The following OTUD7A variants were observed in gnomAD, a reference collection of about 807,000 sequenced individuals.
OTUD7A encodes OTU domain-containing protein 7A.
A neutral mutation model predicts 65.7 loss-of-function variants in OTUD7A; 12 were observed. The ratio of observed to expected loss-of-function variants is 0.18; its 90% CI spans 0.12 to 0.30. The LOEUF is 0.30. OTUD7A is among the 10% of genes least tolerant of loss of function. The pLI, the probability that OTUD7A is intolerant of heterozygous loss-of-function variation, is 1.00. For missense variants in OTUD7A, 1,148 were observed against 1,304.8 expected, an observed-to-expected ratio of 0.88 and a Z score of 1.85; for synonymous variants, 641 against 586.3, an observed-to-expected ratio of 1.09 and a Z score of -1.35.
At chr15:31,857,612 C>G (rs1276622915) in intron 1 of OTUD7A, among the ~76,000 whole-genome samples, 1 of 152,122 alleles carries the variant, frequency 6.6e-6, no homozygotes. Flanking sequence ...TGAGCCGGGC[C>G]CCTCGATGTT....
intron 3 of OTUD7A, among the ~76,000 whole-genome samples, chr15:31,590,672 CA>C (rs1403885468): frequency 6.6e-6 from 1 of 152,194 alleles, no homozygotes; most frequent in Non-Finnish European, 1.5e-5. Flanking sequence ...ATCTTATAAA[CA>C]AAGTGAATTC....
At chr15:31,608,328 TA>T (rs1317312599) in intron 3 of OTUD7A, among the ~76,000 whole-genome samples, 1 of 152,010 alleles carries the variant, frequency 6.6e-6, no homozygotes, top group Non-Finnish European at 1.5e-5. Context: ...ATAGATGAAC[TA>T]AAAATAAGAA....
intron 5 of OTUD7A, among the ~76,000 whole-genome samples, chr15:31,544,865 A>G (rs1378450579): frequency 6.6e-6 from 1 of 151,936 alleles, no homozygotes; most frequent in African/African-American, 2.4e-5. Flanking sequence ...TCAAGTGCAC[A>G]TAGAATATTT....
At position 31,577,863 on chromosome 15, in the gene OTUD7A, C is replaced by T. The variant is rs144890467; in HGVS notation, c.152-7666G>A. ...CACAGAAGCAGGTTTTGTTTTCCTT[C>T]CTTGGAATCGGACAAGCTGATTTTA... On this transcript the variant is annotated intron_variant, in intron 3 of 12. Transcript: ENST00000307050. 8.7e-3 allele frequency among the ~76,000 whole-genome samples: 1,307 copies of T among 149,752 alleles called. 19 individuals carry two copies. The highest frequency in any genetic ancestry group is 0.031 in the African/African-American group (1,254 of 40,932).
At chr15:31,550,103 G>GAGA (rs2034729544) in intron 5 of OTUD7A, among the ~76,000 whole-genome samples, 1 of 127,236 alleles carries the variant, frequency 7.9e-6, no homozygotes, top group African/African-American at 3.0e-5. Context: ...CTGTCTCCAG[G>GAGA]AAAAAAAAAA....
intron 1 of OTUD7A, among the ~76,000 whole-genome samples, chr15:31,673,145 G>C (rs1384982672): frequency 6.6e-6 from 1 of 152,198 alleles, no homozygotes; most frequent in Non-Finnish European, 1.5e-5. Context: ...CCATCTTAAA[G>C]CTGAAATAAG....
intron 1 of OTUD7A, among the ~76,000 whole-genome samples, chr15:31,846,129 C>G (rs1279840236): frequency 1.3e-5 from 2 of 152,252 alleles, no homozygotes; most frequent in Non-Finnish European, 2.9e-5. Flanking sequence ...CAGACTCTCT[C>G]TACCTCCTGT....
intron 1 of OTUD7A, among the ~76,000 whole-genome samples, chr15:31,806,209 T>C (rs530470754): frequency 2.0e-5 from 3 of 152,234 alleles, no homozygotes; most frequent in East Asian, 3.8e-4. Context: ...TCAGTTGATA[T>C]CATTTTCTGG....
chr15:31,685,325 G>A (rs530990633), intron 1 of OTUD7A, among the ~76,000 whole-genome samples: 23 of 152,114 alleles, frequency 1.5e-4, no homozygotes, highest in Admixed American at 3.3e-4. Flanking sequence ...TCTTATTTCC[G>A]CATTTGTTTC....
intron 1 of OTUD7A, among the ~76,000 whole-genome samples, chr15:31,667,000 A>G (rs541981480): frequency 6.6e-6 from 1 of 152,196 alleles, no homozygotes; most frequent in African/African-American, 2.4e-5. Context: ...AGAGTGCTTG[A>G]TATACTTTAA....
intron 3 of OTUD7A, among the ~76,000 whole-genome samples, chr15:31,623,966 T>C (rs1319494635): frequency 6.6e-6 from 1 of 152,270 alleles, no homozygotes; most frequent in African/African-American, 2.4e-5. Context: ...TGAGAATTCA[T>C]TAAGTTGTAC....
At chr15:31,600,091 TC>T (rs978574293) in intron 3 of OTUD7A, among the ~76,000 whole-genome samples, 5 of 152,050 alleles carry the variant, frequency 3.3e-5, no homozygotes, top group African/African-American at 1.2e-4. Context: ...TAGGAGAACT[TC>T]CCCAACCTAG....
chr15:31,492,510 G>A (rs575359893), intron 10 of OTUD7A, among the ~76,000 whole-genome samples: 32 of 151,796 alleles, frequency 2.1e-4, no homozygotes, highest in Middle Eastern at 3.4e-3. Flanking sequence ...CCCAGGAGGC[G>A]GAGGCTGCAG....
chr15:31,840,548 T>C (rs1005542554), intron 1 of OTUD7A, among the ~76,000 whole-genome samples: 3 of 152,260 alleles, frequency 2.0e-5, no homozygotes, highest in African/African-American at 7.2e-5. Flanking sequence ...CATTACACTC[T>C]AGAGGTTATC....
At chr15:31,567,482 T>C (rs1350504071) in intron 4 of OTUD7A, among the ~76,000 whole-genome samples, 2 of 151,680 alleles carry the variant, frequency 1.3e-5, no homozygotes, top group East Asian at 3.9e-4. Context: ...GGAAGCAGAA[T>C]GTAAAAGTTT....
Position 31,476,615 on chromosome 15 carries a change from G to C in OTUD7A, c.*6679C>G, listed in dbSNP as rs1282539377. 6.6e-6 allele frequency: 1 copy of C among 152,274 alleles called. No homozygotes were observed. Among genetic ancestry groups the C allele is most frequent in the African/African-American group, 2.4e-5 (1 of 41,444 alleles). The allele number at this position is 152,274 out of a possible 1,614,324, so 9.4% of individuals were successfully genotyped here. A position where few individuals can be genotyped will look rare whatever the true frequency, so the allele number is the denominator to read the frequency against. On this transcript the variant is annotated 3_prime_UTR_variant, in exon 13 of 13. Transcript: ENST00000307050. ...GCAATTCAAGCACAGGAATGCACAT[G>C]TGTGGGCCCACTCACTGCTGGCTGG...
chr15:31,509,760 TA>T (rs1434297823), intron 8 of OTUD7A, among the ~76,000 whole-genome samples: 2 of 140,150 alleles, frequency 1.4e-5, no homozygotes, highest in Non-Finnish European at 3.1e-5. Flanking sequence ...AATTACGTAA[TA>T]TTTTTTGCAT....
At chr15:31,622,336 C>T (rs554374645) in intron 3 of OTUD7A, among the ~76,000 whole-genome samples, 1 of 152,304 alleles carries the variant, frequency 6.6e-6, no homozygotes, top group East Asian at 1.9e-4. Flanking sequence ...GGAAGTTCTC[C>T]TGGATAATAT....
At chr15:31,865,592 G>A (rs1897856872) in intron 1 of OTUD7A, among the ~76,000 whole-genome samples, 1 of 152,200 alleles carries the variant, frequency 6.6e-6, no homozygotes, top group Admixed American at 6.5e-5. Flanking sequence ...ATTATTTGAA[G>A]ATGGGTGTGT....
Sources: gnomAD v4.1 joint callset for allele counts (sites outside exome capture counted in the v4.1 genomes callset) on GRCh38, gnomAD v4.1.1 for gene constraint, MANE v1.5 for transcripts, NCBI Gene and HGNC (gene_info 2026-07-23, HGNC 2026-07-21) for gene names.